PLOD2: variants seen among roughly 807,000 people sequenced by gnomAD.
PLOD2 encodes the protein lysine hydroxylase 2.
A neutral mutation model predicts 101.0 loss-of-function variants in PLOD2; 65 were observed. The observed-to-expected ratio is 0.64, with a 90% CI of 0.53 to 0.79. PLOD2 has a LOEUF of 0.79. Ranked by LOEUF, PLOD2 falls within the 30% of genes least tolerant of loss-of-function variation. The pLI is 0.00. For synonymous variants in PLOD2, 314 were observed against 302.9 expected (o/e 1.04, Z -0.38); for missense variants, 909 against 914.6 (o/e 0.99, Z 0.08).
At position 146,091,801 on chromosome 3, in the gene PLOD2, T is replaced by A. The variant is rs543441615; in HGVS notation, c.878A>T (p.Asp293Val). Reference sequence around the variant, plus strand: ...TCACACATAATCAATTCCACTTACATCTACTGCAGACAAGTCGACTGTATC... The same window carrying A: ...TCACACATAATCAATTCCACTTACAACTACTGCAGACAAGTCGACTGTATC... ...EFDTVDLSAV[D>V]VHPNVSIGVF... Residue 293 changes from aspartate to valine, a missense_variant and splice_region_variant, in exon 8 of 20, where the codon GAT becomes GTT. By Grantham distance (152) the Asp-to-Val change is radical (BLOSUM62 -3). Transcript: ENST00000282903. 1 of 1,516,974 alleles carries A rather than the reference T, an allele frequency of 6.6e-7. No individual in the cohort carries two copies. Among genetic ancestry groups the A allele is most frequent in the African/African-American group, 1.4e-5 (1 of 73,122 alleles). The allele number at this position is 1,516,974 out of a possible 1,614,324, so 94.0% of individuals were successfully genotyped here. A position where few individuals can be genotyped will look rare whatever the true frequency, so the allele number is the denominator to read the frequency against.
chr3:146,117,592 T>C (rs1937969969), intron 3 of PLOD2, among the ~76,000 whole-genome samples: 1 of 152,112 alleles, frequency 6.6e-6, no homozygotes, highest in African/African-American at 2.4e-5. Flanking sequence ...AGGATAGTCA[T>C]GGTAGGTAAT....
chr3:146,149,705 C>T (rs964180739), intron 1 of PLOD2, among the ~76,000 whole-genome samples: 1 of 152,250 alleles, frequency 6.6e-6, no homozygotes. Context: ...GACTCAGCTA[C>T]TGGTATTTAT....
intron 11 of PLOD2, among the ~76,000 whole-genome samples, chr3:146,083,887 T>A (rs1044144792): frequency 3.3e-5 from 5 of 151,844 alleles, no homozygotes; most frequent in Admixed American, 3.3e-4. Context: ...GGCCGGGAAT[T>A]TTTTTTCTTT....
chr3:146,156,821 G>A (rs1272175432), intron 1 of PLOD2, among the ~76,000 whole-genome samples: 2 of 152,248 alleles, frequency 1.3e-5, no homozygotes, highest in Non-Finnish European at 2.9e-5. Flanking sequence ...GACAAGCACA[G>A]CCTGAAGAAG....
rs763053590 is a variant in PLOD2, at chr3:146,124,106, A to T, written c.201+32T>A. The T allele has an allele frequency of 8.3e-6, 9 of 1,083,198 alleles. No homozygotes were observed. In the South Asian group the frequency reaches 1.1e-4, roughly 13 times the overall value. 67.1% of individuals were successfully genotyped at this position (1,083,198 alleles called of 1,614,324 possible). A position where few individuals can be genotyped will look rare whatever the true frequency, so the allele number is the denominator to read the frequency against. On this transcript the variant is annotated intron_variant, in intron 2 of 19. Coordinates refer to ENST00000282903, the MANE Select transcript of PLOD2 (RefSeq NM_182943.3). ...AAAACATACTTTAGGCACACATTAT[A>T]GGATCTTCATAGGTTAAAGGATATA...
In PLOD2 at chr3:146,079,265, TAA is replaced by T. The variant is rs767145003; in HGVS notation, c.1359-10_1359-9del. On this transcript the variant is annotated splice_polypyrimidine_tract_variant and intron_variant, in intron 12 of 19. Coordinates refer to ENST00000282903, the MANE Select transcript of PLOD2 (RefSeq NM_182943.3). ...GGGACATTCCATACTCCTCTGAAAG[TAA>T]AGAGAAGACATTCTTATATACCACA... is the stretch of plus-strand genomic sequence containing the variant. 1 of 1,598,530 alleles carries T rather than the reference TAA, an allele frequency of 6.3e-7. No individual in the cohort carries two copies. Among genetic ancestry groups the T allele is most frequent in the South Asian group, 1.1e-5 (1 of 90,744 alleles).
intron 4 of PLOD2, among the ~76,000 whole-genome samples, chr3:146,107,034 G>A (rs1000655729): frequency 1.3e-5 from 2 of 152,170 alleles, no homozygotes; most frequent in African/African-American, 4.8e-5. Context: ...ATTCTCTGCG[G>A]AGAACTCACT....
chr3:146,102,369 C>T (rs1011068625), intron 7 of PLOD2, among the ~76,000 whole-genome samples: 3 of 152,086 alleles, frequency 2.0e-5, no homozygotes, highest in Non-Finnish European at 2.9e-5. Flanking sequence ...TATTGTAATA[C>T]CCCAATCTTA....
At chr3:146,097,560 C>A (rs907015490) in intron 7 of PLOD2, among the ~76,000 whole-genome samples, 1 of 110,748 alleles carries the variant, frequency 9.0e-6, no homozygotes, top group South Asian at 3.6e-4. Context: ...GGATTAAGGG[C>A]GGTGCAAGAT....
chr3:146,095,884 TCTCCCC>T (rs1937134548), intron 7 of PLOD2, among the ~76,000 whole-genome samples: 1 of 58,266 alleles, frequency 1.7e-5, no homozygotes, highest in Non-Finnish European at 3.6e-5. Flanking sequence ...CCCTCTCCCC[TCTCCCC>T]TCTCCCCCCT....
chr3:146,102,243 C>T (rs1400261687), intron 7 of PLOD2, among the ~76,000 whole-genome samples: 1 of 152,140 alleles, frequency 6.6e-6, no homozygotes, highest in Non-Finnish European at 1.5e-5. Context: ...ACATTTTTAG[C>T]AAGCTCAATT....
In PLOD2 at chr3:146,094,082, G is replaced by C. The variant is rs3804662; in HGVS notation, c.778-2181C>G. Among the ~76,000 whole-genome samples the C allele has an allele frequency of 5.3e-5, 8 of 152,240 alleles. No homozygotes were observed. In the East Asian group the frequency reaches 1.4e-3, roughly 26 times the overall value. ...CTGGCAGCTCTAGACGGTGCAGAAGGCTGTTTATGCAGTTAGGCTGCTCTG... is the reference window on the plus strand; with the variant it reads ...CTGGCAGCTCTAGACGGTGCAGAAGCCTGTTTATGCAGTTAGGCTGCTCTG... On this transcript the variant is annotated intron_variant, in intron 7 of 19. Coordinates refer to ENST00000282903, the MANE Select transcript of PLOD2 (RefSeq NM_182943.3).
intron 11 of PLOD2, among the ~76,000 whole-genome samples, chr3:146,083,612 C>G (rs1333965190): frequency 2.9e-5 from 4 of 137,108 alleles, no homozygotes; most frequent in Non-Finnish European, 6.1e-5. Context: ...GACGGAGTCT[C>G]GCTGTGTCGC....
intron 1 of PLOD2, among the ~76,000 whole-genome samples, chr3:146,145,300 T>C (rs2031725972): frequency 6.6e-6 from 1 of 152,208 alleles, no homozygotes; most frequent in South Asian, 2.1e-4. Context: ...TAAACCTAGA[T>C]AGGCATGTAT....
At chr3:146,116,485 T>A (rs1198650301) in intron 3 of PLOD2, among the ~76,000 whole-genome samples, 1 of 152,174 alleles carries the variant, frequency 6.6e-6, no homozygotes, top group Admixed American at 6.5e-5. Flanking sequence ...GGGGGATATT[T>A]TTGTTGTGCT....
In PLOD2 at chr3:146,110,290, G is replaced by C. The variant is rs201501322; in HGVS notation, c.497C>G (p.Ser166Ter). The C allele has an allele frequency of 9.3e-5, 150 of 1,613,216 alleles. No homozygotes were observed. Among genetic ancestry groups the C allele is most frequent in the Admixed American group, 1.7e-5 (1 of 59,990 alleles). ...TCTTCCAGTATCTAACTCACCTCCT[G>C]AATTCAGATAGCGTTTCCCAATGTG... is the stretch of plus-strand genomic sequence containing the variant. ...VVHIGKRYLN[S>*]GGFIGYAPYV... The change falls in exon 4 of 20, where the codon TCA (serine) becomes TGA (stop). Residue 166 changes from serine to a stop codon, truncating the protein, a stop_gained. Transcript: ENST00000282903. LOFTEE classifies it high-confidence loss of function.
intron 6 of PLOD2, among the ~76,000 whole-genome samples, chr3:146,103,330 T>C (rs1430096975): frequency 6.6e-6 from 1 of 152,172 alleles, no homozygotes; most frequent in Non-Finnish European, 1.5e-5. Flanking sequence ...TGGCTACCAA[T>C]GATAATATTT....
intron 7 of PLOD2, among the ~76,000 whole-genome samples, chr3:146,094,974 G>C (rs1037338995): frequency 4.6e-5 from 7 of 152,122 alleles, no homozygotes; most frequent in Non-Finnish European, 8.8e-5. Flanking sequence ...ATGGGGAAAG[G>C]ATTCCCTATT....
rs539910988 is a variant in PLOD2 at position 146,102,866 on chromosome 3, A to G, written c.680-14T>C. On this transcript the variant is annotated splice_polypyrimidine_tract_variant and intron_variant, in intron 6 of 19. Transcript: ENST00000282903. ...AAACAACTTCATCTGGGTTAAAAAG[A>G]GAAAATAGGCTTTAGTAATTTAAAA... 1.5e-6 allele frequency: 2 copies of G among 1,343,996 alleles called. No homozygotes were observed. Among genetic ancestry groups the G allele is most frequent in the Admixed American group, 3.4e-5 (2 of 59,570 alleles). 83.3% of individuals were successfully genotyped at this position (1,343,996 alleles called of 1,614,324 possible).
Sources: gnomAD v4.1 joint callset for allele counts (sites outside exome capture counted in the v4.1 genomes callset) on GRCh38, gnomAD v4.1.1 for gene constraint, MANE v1.5 for transcripts, NCBI Gene and HGNC (gene_info 2026-07-23, HGNC 2026-07-21) for gene names.